The following CPEB3 variants were observed in gnomAD, a reference collection of about 807,000 sequenced individuals.
The protein encoded by CPEB3 is cytoplasmic polyadenylation element binding protein 3.
Under a neutral mutation model 67.2 loss-of-function variants are expected in CPEB3, and 20 were observed. The ratio of observed to expected loss-of-function variants is 0.30; its 90% CI spans 0.21 to 0.43. CPEB3 has a LOEUF of 0.43. Among genes scored for constraint, CPEB3 ranks in the 20% least tolerant of loss-of-function variants. CPEB3 has a pLI of 1.00. For missense variants in CPEB3, 746 were observed against 968.6 expected (o/e 0.77, Z 3.05); for synonymous variants, 376 against 393.1 (o/e 0.96, Z 0.51).
At chr10:92,252,345 T>C (rs1482506851) in intron 1 of CPEB3, among the ~76,000 whole-genome samples, 1 of 152,136 alleles carries the variant, frequency 6.6e-6, no homozygotes, top group African/African-American at 2.4e-5. Context: ...GAAAGTATAG[T>C]TCGGTATAAC....
chr10:92,214,007 T>C (rs1288994602), intron 2 of CPEB3, among the ~76,000 whole-genome samples: 3 of 152,270 alleles, frequency 2.0e-5, no homozygotes, highest in Non-Finnish European at 2.9e-5. Context: ...CTTTCAACTT[T>C]TTACCATTGC....
At position 92,113,253 on chromosome 10, in the gene CPEB3, C is replaced by A. The variant is rs566900200; in HGVS notation, c.1454-2059G>T. On this transcript the variant is annotated intron_variant, in intron 6 of 9. Coordinates refer to ENST00000265997, the MANE Select transcript of CPEB3 (RefSeq NM_014912.5). ...AGTCAGGAAAAATAAAACCTGACTG[C>A]AAAACTAGAAAAGACAATACATACA... Among the ~76,000 whole-genome samples the A allele has an allele frequency of 2.6e-5, 4 of 152,248 alleles. No individual in the cohort carries two copies. In the East Asian group the frequency reaches 7.7e-4, roughly 29 times the overall value.
Position 92,280,736 on chromosome 10 carries a change from GA to G in CPEB3, c.-12+10189del, listed in dbSNP as rs1842248704. On this transcript the variant is annotated intron_variant, in intron 1 of 9. Transcript: ENST00000265997. ...TGATCTATATACATACAGGCTAATA[GA>G]CGGTGAGCATCTATTCTTTTTTTTT... Among the ~76,000 whole-genome samples, 3 of 143,718 alleles carry G rather than the reference GA, an allele frequency of 2.1e-5. No homozygotes were observed. In the South Asian group the frequency reaches 6.6e-4, roughly 32 times the overall value. The allele number at this position is 143,718 out of a possible 152,430, so 94.3% of individuals were successfully genotyped here. A position where few individuals can be genotyped will look rare whatever the true frequency, so the allele number is the denominator to read the frequency against.
At chr10:92,194,992 C>A (rs1849165580) in intron 2 of CPEB3, among the ~76,000 whole-genome samples, 2 of 150,214 alleles carry the variant, frequency 1.3e-5, no homozygotes, top group South Asian at 4.2e-4. Context: ...TGCAGTGAGC[C>A]GAGATCGCGC....
At chr10:92,127,176 G>A (rs924907097) in intron 6 of CPEB3, among the ~76,000 whole-genome samples, 8 of 152,154 alleles carry the variant, frequency 5.3e-5, no homozygotes, top group Admixed American at 2.6e-4. Flanking sequence ...GGCCAGGCAC[G>A]GTGACTTACA....
At chr10:92,181,801 A>C (rs547030460) in intron 3 of CPEB3, among the ~76,000 whole-genome samples, 14 of 152,354 alleles carry the variant, frequency 9.2e-5, no homozygotes, top group Admixed American at 5.9e-4. Context: ...TAAAGCCTAA[A>C]ATATTTACTC....
intron 9 of CPEB3, among the ~76,000 whole-genome samples, chr10:92,072,336 G>A (rs527265999): frequency 6.6e-6 from 1 of 151,934 alleles, no homozygotes; most frequent in South Asian, 2.1e-4. Context: ...GATACTTAAT[G>A]GAACTGAATA....
rs908464971 is a variant in CPEB3, at chr10:92,158,882, G to A, written c.1223-13797C>T. ...GTATCACTAAAAGATCCTGTCAAGC[G>A]GAATGATTTTCAGAGTGGAAAGTTT... is the stretch of plus-strand genomic sequence containing the variant. On this transcript the variant is annotated intron_variant, in intron 4 of 9. Transcript: ENST00000265997. 1.6e-4 allele frequency among the ~76,000 whole-genome samples: 25 copies of A among 152,240 alleles called. No homozygotes were observed. The South Asian group carries it at 2.7e-3, about 16-fold the overall frequency.
At chr10:92,062,847 C>T (rs961894770) in intron 9 of CPEB3, among the ~76,000 whole-genome samples, 1 of 152,214 alleles carries the variant, frequency 6.6e-6, no homozygotes, top group African/African-American at 2.4e-5. Context: ...ATATTAGAGT[C>T]CCATGCAGAG....
At chr10:92,112,950 G>A (rs1278083159) in intron 6 of CPEB3, among the ~76,000 whole-genome samples, 2 of 152,198 alleles carry the variant, frequency 1.3e-5, no homozygotes, top group African/African-American at 4.8e-5. Flanking sequence ...GGAGTCCTGG[G>A]CAACATGTAA....
chr10:92,226,623 A>G (rs147167349), intron 2 of CPEB3, among the ~76,000 whole-genome samples: 61 of 152,372 alleles, frequency 4.0e-4, no homozygotes, highest in African/African-American at 1.2e-3. Context: ...TGTGGAGCCT[A>G]CATTCTACTG....
At chr10:92,226,707 G>A (rs1850991960) in intron 2 of CPEB3, among the ~76,000 whole-genome samples, 1 of 152,262 alleles carries the variant, frequency 6.6e-6, no homozygotes, top group South Asian at 2.1e-4. Context: ...AGCATAAGAG[G>A]AATTAGGGAA....
chr10:92,086,529 A>C (rs1843381006), intron 8 of CPEB3, among the ~76,000 whole-genome samples: 3 of 152,200 alleles, frequency 2.0e-5, no homozygotes, highest in African/African-American at 7.2e-5. Context: ...CCTGAGAAAG[A>C]CCAGTTACTC....
At chr10:92,238,328 A>G (rs1851639242) in intron 2 of CPEB3, among the ~76,000 whole-genome samples, 2 of 152,216 alleles carry the variant, frequency 1.3e-5, no homozygotes. Context: ...GCCAATTGCT[A>G]TGGCTGTGGA....
At chr10:92,052,561 G>C (rs1472000124) in intron 9 of CPEB3, 122 bp from the exon 10 acceptor site, 3 of 778,024 alleles carry the variant, frequency 3.9e-6, no homozygotes, top group Non-Finnish European at 6.2e-6. Flanking sequence ...TTTCAACTCT[G>C]CTGATACTGG....
At chr10:92,114,389 C>T (rs1243319505) in intron 6 of CPEB3, among the ~76,000 whole-genome samples, 1 of 152,136 alleles carries the variant, frequency 6.6e-6, no homozygotes, top group Non-Finnish European at 1.5e-5. Flanking sequence ...AGAAAAAGAT[C>T]CCTTCAAGAA....
At chr10:92,181,448 T>C (rs576759268) in intron 3 of CPEB3, among the ~76,000 whole-genome samples, 3 of 148,510 alleles carry the variant, frequency 2.0e-5, no homozygotes, top group South Asian at 4.2e-4. Flanking sequence ...AGAGGTTTCA[T>C]AGTGGCTCAA....
At chr10:92,224,740 G>A (rs1024695453) in intron 2 of CPEB3, among the ~76,000 whole-genome samples, 1 of 151,790 alleles carries the variant, frequency 6.6e-6, no homozygotes, top group Non-Finnish European at 1.5e-5. Flanking sequence ...TAGCTACCAG[G>A]AAGGCTGAGG....
chr10:92,271,173 ACT>A (rs1853292862), intron 1 of CPEB3, among the ~76,000 whole-genome samples: 2 of 152,282 alleles, frequency 1.3e-5, no homozygotes, highest in Admixed American at 6.5e-5. Flanking sequence ...ATGGAGCGAG[ACT>A]CTGTCTCAAA....
Sources: gnomAD v4.1 joint callset for allele counts (sites outside exome capture counted in the v4.1 genomes callset) on GRCh38, gnomAD v4.1.1 for gene constraint, MANE v1.5 for transcripts, NCBI Gene and HGNC (gene_info 2026-07-23, HGNC 2026-07-21) for gene names.